Variants in TSPAN18 observed in about 807,000 individuals in gnomAD.
The protein encoded by TSPAN18 is tetraspanin-18.
TSPAN18 carries 14 observed loss-of-function variants against 27.3 expected under a neutral mutation model. That is an observed-to-expected ratio of 0.51 (90% confidence interval 0.34 to 0.80). The LOEUF (loss-of-function observed/expected upper bound fraction) is 0.80. Ranked by LOEUF, TSPAN18 falls within the 30% of genes least tolerant of loss-of-function variation. The pLI is 0.01. For missense variants in TSPAN18, 268 were observed against 323.9 expected (o/e 0.83, Z 1.32); for synonymous variants, 143 against 136.5 (o/e 1.05, Z -0.33).
At chr11:44,915,079 T>C (rs528650758) in intron 5 of TSPAN18, among the ~76,000 whole-genome samples, 95 of 152,342 alleles carry the variant, frequency 6.2e-4, no homozygotes, top group African/African-American at 2.3e-3. Flanking sequence ...CCATTATTTA[T>C]CACTGTCCAG....
At chr11:44,758,116 T>C (rs774603973) in intron 1 of TSPAN18, among the ~76,000 whole-genome samples, 3 of 152,234 alleles carry the variant, frequency 2.0e-5, no homozygotes, top group Non-Finnish European at 4.4e-5. Context: ...TGGGCATCCT[T>C]GTCTTGTTCT....
chr11:44,904,878 A>G (rs1408109219), intron 3 of TSPAN18, among the ~76,000 whole-genome samples: 1 of 152,128 alleles, frequency 6.6e-6, no homozygotes, highest in East Asian at 1.9e-4. Flanking sequence ...AGTGCTTCCT[A>G]CAAGCTGTGT....
chr11:44,757,216 G>GTT (rs1039347829), intron 1 of TSPAN18, among the ~76,000 whole-genome samples: 9 of 152,160 alleles, frequency 5.9e-5, no homozygotes, highest in African/African-American at 1.9e-4. Flanking sequence ...CACCAACAGT[G>GTT]GGAACAGGGT....
At chr11:44,885,753 G>A (rs78612617) in intron 3 of TSPAN18, 1 of 152,324 alleles carries the variant, frequency 6.6e-6, no homozygotes, top group African/African-American at 2.4e-5. Flanking sequence ...CACGCAGGGT[G>A]CTTCTGTCAC....
At chr11:44,795,261 G>A (rs1333428734) in intron 2 of TSPAN18, among the ~76,000 whole-genome samples, 3 of 152,114 alleles carry the variant, frequency 2.0e-5, no homozygotes, top group Non-Finnish European at 2.9e-5. Context: ...GCCCACTCCA[G>A]CATGGAAGGG....
At chr11:44,737,837 G>A (rs1241443926) in intron 1 of TSPAN18, among the ~76,000 whole-genome samples, 1 of 151,906 alleles carries the variant, frequency 6.6e-6, no homozygotes. Flanking sequence ...CCCCTGGACT[G>A]CTTTTTCCTC....
chr11:44,874,690 A>G lies in TSPAN18; in HGVS notation c.-11+14221A>G, dbSNP rs551310964. ...CTAATTGCATGCTTGGTGCCTGGGT[A>G]GGGGGACATCTTTGTCCCTCAGGTC... On this transcript the variant is annotated intron_variant, in intron 3 of 9. Transcript: ENST00000520358. Among the ~76,000 whole-genome samples the G allele has an allele frequency of 1.1e-3, 164 of 152,322 alleles. 2 individuals carry two copies. The highest frequency in any genetic ancestry group is 0.01 in the South Asian group (49 of 4,828).
chr11:44,834,170 T>C (rs1857213950), intron 2 of TSPAN18, among the ~76,000 whole-genome samples: 1 of 151,752 alleles, frequency 6.6e-6, no homozygotes, highest in Admixed American at 6.6e-5. Context: ...AAATGGACCC[T>C]CAGGGAGATG....
At chr11:44,789,871 T>C (rs375229136) in intron 2 of TSPAN18, among the ~76,000 whole-genome samples, 159 of 152,332 alleles carry the variant, frequency 1.0e-3, no homozygotes, top group African/African-American at 3.7e-3. Context: ...CTCCTAATTC[T>C]TGTCTCTGTG....
At chr11:44,789,264 G>A (rs750952265) in intron 2 of TSPAN18, among the ~76,000 whole-genome samples, 4 of 152,172 alleles carry the variant, frequency 2.6e-5, no homozygotes, top group Non-Finnish European at 5.9e-5. Context: ...ACAGGCAGGG[G>A]AATAAAACAG....
intron 2 of TSPAN18, among the ~76,000 whole-genome samples, chr11:44,769,182 A>G (rs1855635407): frequency 6.6e-6 from 1 of 152,212 alleles, no homozygotes; most frequent in African/African-American, 2.4e-5. Context: ...GGCGTGAGCC[A>G]CTGCACCTGG....
intron 1 of TSPAN18, among the ~76,000 whole-genome samples, chr11:44,756,223 G>C (rs60616864): frequency 0.051 from 7,538 of 146,542 alleles, 473 homozygotes; most frequent in African/African-American, 0.15. Context: ...ATAAATTATT[G>C]TGAAGTCCAA....
chr11:44,785,122 A>G (rs949895904), intron 2 of TSPAN18, among the ~76,000 whole-genome samples: 2 of 152,194 alleles, frequency 1.3e-5, no homozygotes, highest in African/African-American at 4.8e-5. Context: ...TGCATTGTGA[A>G]TGCTTTTGTT....
In TSPAN18 at chr11:44,932,277, C is replaced by T. The variant is rs534277720; in HGVS notation, c.*3099C>T. On this transcript the variant is annotated 3_prime_UTR_variant, in exon 10 of 10. Coordinates refer to ENST00000520358, the MANE Select transcript of TSPAN18 (RefSeq NM_130783.5). ...TGCAGAGCTAATTTATCACGTTTCT[C>T]TCCTGTGAGACCCCCCTTTTATATG... 1.4e-5 allele frequency: 2 copies of T among 139,044 alleles called. No individual in the cohort carries two copies. Among genetic ancestry groups the T allele is most frequent in the South Asian group, 4.3e-4 (2 of 4,684 alleles). The allele number at this position is 139,044 out of a possible 1,614,324, so 8.6% of individuals were successfully genotyped here.
chr11:44,735,024 A>T (rs1180539246), intron 1 of TSPAN18, among the ~76,000 whole-genome samples: 2 of 152,122 alleles, frequency 1.3e-5, no homozygotes, highest in East Asian at 3.9e-4. Flanking sequence ...GGACACGGGG[A>T]GTGGAGGGGC....
chr11:44,909,299 ACT>A (rs1859620328), intron 4 of TSPAN18, among the ~76,000 whole-genome samples: 1 of 151,722 alleles, frequency 6.6e-6, no homozygotes, highest in Admixed American at 6.6e-5. Flanking sequence ...CCAAACTCTG[ACT>A]CTGCCATGAA....
At position 44,906,399 on chromosome 11, in the gene TSPAN18, A is replaced by T. The variant is rs1564988658; in HGVS notation, c.-10-8A>T. The T allele has an allele frequency of 6.2e-7, 1 of 1,613,992 alleles. No individual in the cohort carries two copies. Among genetic ancestry groups the T allele is most frequent in the Middle Eastern group, 1.7e-4 (1 of 6,060 alleles). ...ATCGGGAAGACTGAGGTGGCCTTGT[A>T]TTTCTAGGTGGAGCACCATGGAAGG... On this transcript the variant is annotated splice_region_variant and splice_polypyrimidine_tract_variant and intron_variant, in intron 3 of 9. Transcript: ENST00000520358.
rs925620553 is a variant in TSPAN18, at chr11:44,810,731, A to G, written c.-153+46219A>G. ...AGCCATCCTCCCACCTCAGCCTCCC[A>G]AGTAGCTGGGACTGCAGGCACATGC... On this transcript the variant is annotated intron_variant, in intron 2 of 9. Coordinates refer to ENST00000520358, the MANE Select transcript of TSPAN18 (RefSeq NM_130783.5). Among the ~76,000 whole-genome samples the G allele has an allele frequency of 4.0e-5, 6 of 150,712 alleles. No homozygotes were observed. The South Asian group carries it at 1.3e-3, about 32-fold the overall frequency.
chr11:44,838,484 G>A lies in TSPAN18; in HGVS notation c.-152-21844G>A, dbSNP rs560924639. 2.0e-5 allele frequency among the ~76,000 whole-genome samples: 3 copies of A among 152,316 alleles called. No homozygotes were observed. In the East Asian group the frequency reaches 5.8e-4, roughly 29 times the overall value. On this transcript the variant is annotated intron_variant, in intron 2 of 9. Coordinates refer to ENST00000520358, the MANE Select transcript of TSPAN18 (RefSeq NM_130783.5). ...GGGACACAGCCAAACCATATCACATGGCTAAAGGAACTTTGTAGATGTGAT... is the reference window on the plus strand; with the variant it reads ...GGGACACAGCCAAACCATATCACATAGCTAAAGGAACTTTGTAGATGTGAT...
Sources: allele counts gnomAD v4.1 joint callset (sites outside exome capture counted in the v4.1 genomes callset), GRCh38; gene constraint gnomAD v4.1.1; transcripts MANE v1.5; gene names NCBI Gene and HGNC (gene_info 2026-07-23, HGNC 2026-07-21).